The following MAGEC2 variants were observed in gnomAD, a reference collection of about 807,000 sequenced individuals.
The protein encoded by MAGEC2 is MAGE family member C2.
For synonymous variants in MAGEC2, 127 were observed against 115.1 expected (o/e 1.10, Z -0.66); for missense variants, 332 against 282.3 (o/e 1.18, Z -1.26).
In MAGEC2 at chrX:142,203,671, G is replaced by C. The variant is rs1475355246; in HGVS notation, c.317C>G (p.Ser106Cys). 3.3e-6 allele frequency: 4 copies of C among 1,207,776 alleles called. No individual in the cohort carries two copies. The highest frequency in any genetic ancestry group is 1.8e-5 in the African/African-American group (1 of 56,419). Residue 106 changes from serine (S) to cysteine (C), a missense_variant, in exon 3 of 3, where the codon TCT (serine) becomes TGT (cysteine). Transcript: ENST00000247452. ...CTCACTGAATGAGCTCCATGAAAAA[G>C]AGGAGCAGCAGGAGCTCAGAGGACT... is the stretch of plus-strand genomic sequence containing the variant. ...SQSPLSSCCS[S>C]FSWSSFSEES...
chrX:142,203,686 C>G lies in MAGEC2; in HGVS notation c.302G>C (p.Ser101Thr). 1 of 1,210,189 alleles carries G rather than the reference C, an allele frequency of 8.3e-7. No individual in the cohort carries two copies. Among genetic ancestry groups the G allele is most frequent in the Non-Finnish European group, 1.1e-6 (1 of 895,078 alleles). ...PPQGPSQSPL[S>T]SCCSSFSWSS... is the part of the protein sequence containing the mutation. ...CCATGAAAAAGAGGAGCAGCAGGAG[C>G]TCAGAGGACTCTGGGAAGGACCCTG... Residue 101 changes from serine (S) to threonine (T), a missense_variant, in exon 3 of 3, where the codon AGC (serine) becomes ACC (threonine). Ser to Thr is a moderately conservative substitution (Grantham distance 58, BLOSUM62 1). Coordinates refer to ENST00000247452, the MANE Select transcript of MAGEC2 (RefSeq NM_016249.4).
Position 142,202,908 on chromosome X carries a change from T to G in MAGEC2, c.1080A>C (p.Glu360Asp), listed in dbSNP as rs751330114. The change falls in exon 3 of 3, where the codon GAA (glutamate) becomes GAC (aspartate). Residue 360 changes from glutamate to aspartate, a missense_variant. Coordinates refer to ENST00000247452, the MANE Select transcript of MAGEC2 (RefSeq NM_016249.4). ...TADDATVMAS[E>D]SLSVMSSNVS... Reference sequence around the variant, plus strand: ...CGTTGCTGGACATGACACTGAGGCTTTCACTGGCCATGACAGTGGCATCAT... The same window carrying G: ...CGTTGCTGGACATGACACTGAGGCTGTCACTGGCCATGACAGTGGCATCAT... 2 of 1,209,638 alleles carry G rather than the reference T, an allele frequency of 1.7e-6. No individual in the cohort carries two copies. Among genetic ancestry groups the G allele is most frequent in the African/African-American group, 3.5e-5 (2 of 57,072 alleles).
rs763229523 is a variant in MAGEC2 at position 142,203,955 on chromosome X, G to A, written c.33C>T (p.Asn11=). ...CTGAGGTCGGGGAGTCGTTGTCAAC[G>A]TTGCGGAATGGAACGCCTGGAACGG... The part of the protein sequence containing the change: MPPVPGVPFR[N]VDNDSPTSVE... Residue 11 remains asparagine (N), a synonymous_variant, in exon 3 of 3, where the codon AAC becomes AAT. Transcript: ENST00000247452. 1.1e-5 allele frequency: 13 copies of A among 1,175,311 alleles called. No individual in the cohort carries two copies. Among genetic ancestry groups the A allele is most frequent in the East Asian group, 3.0e-5 (1 of 33,438 alleles).
chrX:142,203,141 A>AATG lies in MAGEC2; in HGVS notation c.844_846dup (p.His282dup). ...TGGGGCACCTCCCGATACTCCAGGTAATGTCCCTGCACCCAAACTTTAGTG... is the reference window on the plus strand; with the variant it reads ...TGGGGCACCTCCCGATACTCCAGGTAATGATGTCCCTGCACCCAAACTTTAGTG... On this transcript the variant is annotated inframe_insertion, in exon 3 of 3. Coordinates refer to ENST00000247452, the MANE Select transcript of MAGEC2 (RefSeq NM_016249.4). 1 of 1,211,566 alleles carries AATG rather than the reference A, an allele frequency of 8.3e-7. No homozygotes were observed. The highest frequency in any genetic ancestry group is 1.1e-6 in the Non-Finnish European group (1 of 895,418).
In MAGEC2 at chrX:142,203,970, G is replaced by T. The variant is rs140435962; in HGVS notation, c.18C>A (p.Gly6=). MPPVP[G]VPFRNVDNDS... ...CGTTGTCAACGTTGCGGAATGGAAC[G>T]CCTGGAACGGGAGGCATGACGACTT... is the stretch of plus-strand genomic sequence containing the variant. Residue 6 remains glycine, a synonymous_variant, in exon 3 of 3, where the codon GGC becomes GGA. Coordinates refer to ENST00000247452, the MANE Select transcript of MAGEC2 (RefSeq NM_016249.4). The T allele has an allele frequency of 1.7e-6, 2 of 1,180,908 alleles. No individual in the cohort carries two copies. The highest frequency in any genetic ancestry group is 3.9e-5 in the South Asian group (2 of 51,370).
Position 142,204,014 on chromosome X carries a change from A to G in MAGEC2, c.-27T>C. 8.4e-7 allele frequency: 1 copy of G among 1,187,915 alleles called. No individual in the cohort carries two copies. Among genetic ancestry groups the G allele is most frequent in the Non-Finnish European group, 1.1e-6 (1 of 883,147 alleles). ...ACGACTTCTTCAGGAGCAGCAGGTA[A>G]ACGTATCAACAGGGATATGGATGAT... is the stretch of plus-strand genomic sequence containing the variant. On this transcript the variant is annotated 5_prime_UTR_variant, in exon 3 of 3. Coordinates refer to ENST00000247452, the MANE Select transcript of MAGEC2 (RefSeq NM_016249.4).
chrX:142,204,293 C>A, intron 2 of MAGEC2, 69 bp downstream of exon 2: 2 of 435,675 alleles, frequency 4.6e-6, no homozygotes, highest in South Asian at 7.9e-5. Context: ...TGGGTAGGGC[C>A]GGGTGCTGTG....
rs1257876992 is a variant in MAGEC2, at chrX:142,203,034, T to G, written c.954A>C (p.Leu318Phe). The G allele has an allele frequency of 8.3e-6, 10 of 1,211,646 alleles. No individual in the cohort carries two copies. Among genetic ancestry groups the G allele is most frequent in the Non-Finnish European group, 1.1e-5 (10 of 895,430 alleles). ...ESIKKKVLEF[L>F]AKLNNTVPSS... ...TAGGAACAGTGTTGTTCAGCTTGGC[T>G]AAAAACTCTAGTACTTTCTTCTTGA... The change falls in exon 3 of 3, where the codon TTA becomes TTC. Residue 318 changes from leucine (L) to phenylalanine (F), a missense_variant. Leu to Phe is a conservative substitution (Grantham distance 22, BLOSUM62 0). Coordinates refer to ENST00000247452, the MANE Select transcript of MAGEC2 (RefSeq NM_016249.4).
Position 142,203,945 on chromosome X carries a change from C to T in MAGEC2, c.43G>A (p.Asp15Asn), listed in dbSNP as rs745907592. 4 of 1,172,380 alleles carry T rather than the reference C, an allele frequency of 3.4e-6. No individual in the cohort carries two copies. Among genetic ancestry groups the T allele is most frequent in the South Asian group, 4.0e-5 (2 of 50,361 alleles). Residue 15 changes from aspartate to asparagine, a missense_variant, in exon 3 of 3, where the codon GAC becomes AAC. By Grantham distance (23) the Asp-to-Asn change is conservative. Coordinates refer to ENST00000247452, the MANE Select transcript of MAGEC2 (RefSeq NM_016249.4). ...PGVPFRNVDNDSPTSVELEDW... is the reference protein window; with the variant it reads ...PGVPFRNVDNNSPTSVELEDW... Reference sequence around the variant, plus strand: ...TCTAACTCAACTGAGGTCGGGGAGTCGTTGTCAACGTTGCGGAATGGAACG... The same window carrying T: ...TCTAACTCAACTGAGGTCGGGGAGTTGTTGTCAACGTTGCGGAATGGAACG...
rs763163840 is a variant in MAGEC2 at position 142,203,051 on chromosome X, T to C, written c.937A>G (p.Lys313Glu). The C allele has an allele frequency of 3.8e-5, 46 of 1,209,664 alleles. No individual in the cohort carries two copies. The highest frequency in any genetic ancestry group is 2.3e-4 in the Middle Eastern group (1 of 4,354). ...AGCTTGGCTAAAAACTCTAGTACTT[T>C]CTTCTTGATGCTTTCTGAATGGGCT... ...PRAHSESIKK[K>E]VLEFLAKLNN... The change falls in exon 3 of 3, where the codon AAA becomes GAA. Residue 313 changes from lysine to glutamate, a missense_variant. Transcript: ENST00000247452.
At position 142,202,902 on chromosome X, in the gene MAGEC2, G is replaced by C; in HGVS notation, c.1086C>G (p.Leu362=). 3 of 1,211,328 alleles carry C rather than the reference G, an allele frequency of 2.5e-6. No individual in the cohort carries two copies. Among genetic ancestry groups the C allele is most frequent in the Non-Finnish European group, 3.4e-6 (3 of 895,285 alleles). Residue 362 remains leucine, a synonymous_variant, in exon 3 of 3, where the codon CTC becomes CTG. Coordinates refer to ENST00000247452, the MANE Select transcript of MAGEC2 (RefSeq NM_016249.4). Reference sequence around the variant, plus strand: ...AGGAGACGTTGCTGGACATGACACTGAGGCTTTCACTGGCCATGACAGTGG... The same window carrying C: ...AGGAGACGTTGCTGGACATGACACTCAGGCTTTCACTGGCCATGACAGTGG... The part of the protein sequence containing the change: ...DDATVMASES[L]SVMSSNVSFS...
chrX:142,202,938 G>A lies in MAGEC2; in HGVS notation c.1050C>T (p.Thr350=), dbSNP rs140947271. The part of the protein sequence containing the change: ...VEERVQATID[T]ADDATVMASE... ...TGGCCATGACAGTGGCATCATCTGC[G>A]GTATCAATTGTGGCCTGGACTCTCT... Residue 350 remains threonine (T), a synonymous_variant, in exon 3 of 3, where the codon ACC becomes ACT. Transcript: ENST00000247452. 4.1e-4 allele frequency: 491 copies of A among 1,209,416 alleles called. No individual in the cohort carries two copies. Among genetic ancestry groups the A allele is most frequent in the Non-Finnish European group, 3.9e-4 (352 of 894,795 alleles).
rs761420240 is a variant in MAGEC2 at position 142,203,193 on chromosome X, G to A, written c.795C>T (p.Phe265=). 36 of 1,209,180 alleles carry A rather than the reference G, an allele frequency of 3.0e-5. No homozygotes were observed. Among genetic ancestry groups the A allele is most frequent in the South Asian group, 1.9e-4 (11 of 56,699 alleles). ...GGAGCTCCCTAGGCTCCCCATAGACGAAGTGCTCCCTCCCAGCATATACCC... is the reference window on the plus strand; with the variant it reads ...GGAGCTCCCTAGGCTCCCCATAGACAAAGTGCTCCCTCCCAGCATATACCC... ...AVGVYAGREH[F]VYGEPRELLT... Residue 265 remains phenylalanine (F), a synonymous_variant, in exon 3 of 3, where the codon TTC becomes TTT. Coordinates refer to ENST00000247452, the MANE Select transcript of MAGEC2 (RefSeq NM_016249.4).
intron 2 of MAGEC2, 80 bp from the exon 3 acceptor site, chrX:142,204,133 CTCT>C (rs1931199961): frequency 8.6e-7 from 1 of 1,167,963 alleles, no homozygotes; most frequent in Non-Finnish European, 1.2e-6. Flanking sequence ...CACCTTACAG[CTCT>C]TCTTCTCTTA....
At position 142,203,693 on chromosome X, in the gene MAGEC2, G is replaced by T; in HGVS notation, c.295C>A (p.Pro99Thr). 3 of 1,210,361 alleles carry T rather than the reference G, an allele frequency of 2.5e-6. No homozygotes were observed. The highest frequency in any genetic ancestry group is 3.4e-6 in the Non-Finnish European group (3 of 895,062). The part of the protein sequence containing the change: ...QGPPQGPSQS[P>T]LSSCCSSFSW... ...AAAGAGGAGCAGCAGGAGCTCAGAG[G>T]ACTCTGGGAAGGACCCTGTGGAGGA... Residue 99 changes from proline to threonine, a missense_variant, in exon 3 of 3, where the codon CCT becomes ACT. Transcript: ENST00000247452.
At position 142,203,206 on chromosome X, in the gene MAGEC2, C is replaced by G; in HGVS notation, c.782G>C (p.Gly261Ala). ...EVLNAVGVYA[G>A]REHFVYGEPR... is the part of the protein sequence containing the mutation. ...CTCCCCATAGACGAAGTGCTCCCTC[C>G]CAGCATATACCCCTACTGCATTCAG... Residue 261 changes from glycine (G) to alanine (A), a missense_variant, in exon 3 of 3, where the codon GGG becomes GCG. Gly to Ala is a moderately conservative substitution (Grantham distance 60). Transcript: ENST00000247452. 2 of 1,211,364 alleles carry G rather than the reference C, an allele frequency of 1.7e-6. No individual in the cohort carries two copies. Among genetic ancestry groups the G allele is most frequent in the South Asian group, 3.5e-5 (2 of 56,915 alleles).
Position 142,202,877 on chromosome X carries a change from A to AG in MAGEC2, c.1110dup (p.Phe371LeufsTer3), listed in dbSNP as rs772075853. Reference sequence around the variant, plus strand: ...AACTATCCTAGACTTCACTCAGAAAAGGAGACGTTGCTGGACATGACACTG... The same window carrying AG: ...AACTATCCTAGACTTCACTCAGAAAAGGGAGACGTTGCTGGACATGACACTG... On this transcript the variant is annotated frameshift_variant, in exon 3 of 3. Coordinates refer to ENST00000247452, the MANE Select transcript of MAGEC2 (RefSeq NM_016249.4). LOFTEE classifies it high-confidence loss of function. 7.5e-6 allele frequency: 9 copies of AG among 1,206,448 alleles called. No homozygotes were observed. The East Asian group carries it at 2.7e-4, about 36-fold the overall frequency.
chrX:142,203,770 G>C lies in MAGEC2; in HGVS notation c.218C>G (p.Ser73Cys). The C allele has an allele frequency of 1.7e-6, 2 of 1,203,845 alleles. No homozygotes were observed. Among genetic ancestry groups the C allele is most frequent in the Non-Finnish European group, 2.2e-6 (2 of 891,604 alleles). The change falls in exon 3 of 3, where the codon TCT becomes TGT. Residue 73 changes from serine (S) to cysteine (C), a missense_variant. Physicochemically the swap from Ser to Cys is moderately radical, Grantham distance 112 (BLOSUM62 -1). Coordinates refer to ENST00000247452, the MANE Select transcript of MAGEC2 (RefSeq NM_016249.4). ...CTCGGTAAGATTTGGTATCACACCA[G>C]AGGGCACCTCCTCCTCCTCAGGACC... ...LGGPEEEEVP[S>C]GVIPNLTESI...
In MAGEC2 at chrX:142,202,678, T is replaced by C; in HGVS notation, c.*188A>G. On this transcript the variant is annotated 3_prime_UTR_variant, in exon 3 of 3. Coordinates refer to ENST00000247452, the MANE Select transcript of MAGEC2 (RefSeq NM_016249.4). ...GACTAATATTCATAAATTAACACTC[T>C]GAAGCTAACTACCTGCTATTCAAAG... 2.4e-6 allele frequency: 1 copy of C among 410,227 alleles called. No individual in the cohort carries two copies. Among genetic ancestry groups the C allele is most frequent in the Non-Finnish European group, 4.2e-6 (1 of 240,778 alleles). 33.8% of individuals were successfully genotyped at this position (410,227 alleles called of 1,213,427 possible).
Sources: gnomAD v4.1 joint callset for allele counts on GRCh38, gnomAD v4.1.1 for gene constraint, MANE v1.5 for transcripts, NCBI Gene and HGNC (gene_info 2026-07-23, HGNC 2026-07-21) for gene names.